Variants in ANKRD27 observed in about 807,000 individuals in gnomAD.
ANKRD27 encodes the protein ankyrin repeat domain 27.
Under a neutral mutation model 129.7 loss-of-function variants are expected in ANKRD27, and 112 were observed. The ratio of observed to expected loss-of-function variants is 0.86; its 90% CI spans 0.74 to 1.01. The LOEUF (loss-of-function observed/expected upper bound fraction) is 1.01, where lower values mean the gene tolerates loss of function less well. ANKRD27 is among the 50% of genes least tolerant of loss of function. ANKRD27 has a pLI of 0.00. For synonymous variants in ANKRD27, 516 were observed against 511.2 expected (o/e 1.01, Z -0.13); for missense variants, 1,258 against 1,300.5 (o/e 0.97, Z 0.50).
At chr19:32,610,820 A>C (rs911742474) in intron 22 of ANKRD27, among the ~76,000 whole-genome samples, 1 of 152,026 alleles carries the variant, frequency 6.6e-6, no homozygotes, top group Non-Finnish European at 1.5e-5. Flanking sequence ...GTAATACATT[A>C]AACACCACTG....
chr19:32,613,798 T>TC (rs1971870044), intron 22 of ANKRD27, among the ~76,000 whole-genome samples: 1 of 147,260 alleles, frequency 6.8e-6, no homozygotes. Context: ...AAGCCCTGCC[T>TC]CCCGGGTTCA....
At chr19:32,612,046 C>G (rs993487504) in intron 22 of ANKRD27, among the ~76,000 whole-genome samples, 1 of 152,146 alleles carries the variant, frequency 6.6e-6, no homozygotes, top group South Asian at 2.1e-4. Context: ...GCCTAATTCT[C>G]TTAGTATGGG....
chr19:32,642,211 A>ACGGC, intron 9 of ANKRD27, 66 bp from the exon 10 acceptor site: 2 of 1,418,304 alleles, frequency 1.4e-6, no homozygotes, highest in South Asian at 1.6e-5. Context: ...CCTGGATCTA[A>ACGGC]GAACACATCT....
At chr19:32,601,798 G>A (rs1165420203) in intron 26 of ANKRD27, among the ~76,000 whole-genome samples, 1 of 151,912 alleles carries the variant, frequency 6.6e-6, no homozygotes, top group East Asian at 1.9e-4. Context: ...ATTTCCTCAG[G>A]AAACATCATT....
Position 32,650,755 on chromosome 19 carries a change from T to TA in ANKRD27, c.103-964_103-963insT, listed in dbSNP as rs1555746241. ...ATTCTTTTCTTTACGCTTTTATTTA[T>TA]TTTTTTTTTTTGGAGACAGTGTCTT... On this transcript the variant is annotated intron_variant, in intron 2 of 28. Transcript: ENST00000306065. Among the ~76,000 whole-genome samples the TA allele has an allele frequency of 9.1e-4, 128 of 140,844 alleles. 1 individual carries two copies. Among genetic ancestry groups the TA allele is most frequent in the African/African-American group, 3.1e-3 (119 of 37,784 alleles). The allele number at this position is 140,844 out of a possible 152,430, so 92.4% of individuals were successfully genotyped here. A position where few individuals can be genotyped will look rare whatever the true frequency, so the allele number is the denominator to read the frequency against.
chr19:32,609,581 A>G (rs750716926), intron 22 of ANKRD27, among the ~76,000 whole-genome samples: 4 of 150,888 alleles, frequency 2.7e-5, no homozygotes, highest in Non-Finnish European at 5.9e-5. Flanking sequence ...TCCACTTACA[A>G]AAGATTCTCG....
intron 1 of ANKRD27, among the ~76,000 whole-genome samples, chr19:32,672,541 T>C (rs1051184584): frequency 4.6e-5 from 7 of 151,808 alleles, no homozygotes; most frequent in African/African-American, 1.5e-4. Context: ...ATATCCAGGG[T>C]AGGTGAGGGG....
At position 32,642,144 on chromosome 19, in the gene ANKRD27, A is replaced by G. The variant is rs1599760172; in HGVS notation, c.784T>C (p.Phe262Leu). Residue 262 changes from phenylalanine (F) to leucine (L), a missense_variant and splice_region_variant, in exon 10 of 29, where the codon TTT (phenylalanine) becomes CTT (leucine). Transcript: ENST00000306065. The stretch of plus-strand genomic sequence containing the variant: ...TCTCTTTTGGCACGAGGTATGTTAA[A>G]GCTGTAAAATAATTTGGAAAGTGAC... ...KDIGVKPEFSFNIPRAKRELA... is the reference protein window; with the variant it reads ...KDIGVKPEFSLNIPRAKRELA... 1.3e-6 allele frequency: 2 copies of G among 1,588,546 alleles called. No homozygotes were observed. The highest frequency in any genetic ancestry group is 1.7e-6 in the Non-Finnish European group (2 of 1,163,690).
At chr19:32,625,825 A>T in intron 17 of ANKRD27, 49 bp downstream of exon 17, 1 of 1,399,510 alleles carries the variant, frequency 7.1e-7, no homozygotes, top group East Asian at 2.5e-5. Context: ...CTTCTCTACG[A>T]GTGGGAAAGG....
intron 22 of ANKRD27, among the ~76,000 whole-genome samples, chr19:32,611,470 T>C (rs890742691): frequency 2.6e-5 from 4 of 152,242 alleles, no homozygotes; most frequent in African/African-American, 9.6e-5. Flanking sequence ...GGGAAAACTT[T>C]AGTCATTTTC....
chr19:32,598,819 A>C (rs1052302900), intron 28 of ANKRD27, among the ~76,000 whole-genome samples: 1 of 152,208 alleles, frequency 6.6e-6, no homozygotes, highest in East Asian at 1.9e-4. Flanking sequence ...CATGTTAATT[A>C]AAATCATTTT....
At chr19:32,664,416 A>G (rs965514937) in intron 1 of ANKRD27, among the ~76,000 whole-genome samples, 16 of 151,758 alleles carry the variant, frequency 1.1e-4, no homozygotes, top group Admixed American at 5.3e-4. Flanking sequence ...TGAGGTCAGG[A>G]GTTCAAGACC....
intron 24 of ANKRD27, among the ~76,000 whole-genome samples, chr19:32,604,980 G>A (rs552558069): frequency 1.1e-4 from 16 of 152,250 alleles, no homozygotes; most frequent in Admixed American, 9.2e-4. Flanking sequence ...GCTGAGGCAG[G>A]AGAATCGCTT....
chr19:32,663,316 A>G (rs1329153176), intron 1 of ANKRD27, among the ~76,000 whole-genome samples: 1 of 152,164 alleles, frequency 6.6e-6, no homozygotes, highest in Non-Finnish European at 1.5e-5. Context: ...CACCCAACTC[A>G]CACAACGTAG....
intron 4 of ANKRD27, among the ~76,000 whole-genome samples, chr19:32,645,686 G>A (rs1054574141): frequency 1.3e-5 from 2 of 151,930 alleles, no homozygotes; most frequent in Non-Finnish European, 2.9e-5. Context: ...AGGCTGGAGT[G>A]CAGTGGTGCG....
intron 1 of ANKRD27, chr19:32,666,217 G>A (rs1452406232): frequency 3.3e-5 from 5 of 152,158 alleles, no homozygotes; most frequent in South Asian, 4.1e-4. Flanking sequence ...GTTGTGAAAG[G>A]GGTTGCTAAA....
intron 22 of ANKRD27, among the ~76,000 whole-genome samples, chr19:32,613,144 T>C (rs968862932): frequency 2.0e-5 from 3 of 152,054 alleles, no homozygotes; most frequent in African/African-American, 7.3e-5. Flanking sequence ...CTGAAGAACA[T>C]ATACAGATGG....
intron 1 of ANKRD27, among the ~76,000 whole-genome samples, chr19:32,663,634 G>A (rs866664454): frequency 9.2e-5 from 14 of 152,180 alleles, no homozygotes; most frequent in Middle Eastern, 6.8e-3. Context: ...AAGATCCCAC[G>A]TATGTTTAGC....
chr19:32,642,212 G>GACA, intron 9 of ANKRD27, 67 bp from the exon 10 acceptor site: 2 of 1,343,736 alleles, frequency 1.5e-6, no homozygotes, highest in Admixed American at 2.7e-5. Flanking sequence ...CTGGATCTAA[G>GACA]AACACATCTC....
Sources: gnomAD v4.1 joint callset for allele counts (sites outside exome capture counted in the v4.1 genomes callset) on GRCh38, gnomAD v4.1.1 for gene constraint, MANE v1.5 for transcripts, NCBI Gene and HGNC (gene_info 2026-07-23, HGNC 2026-07-21) for gene names.